CCDC78: variants seen among roughly 807,000 people sequenced by gnomAD.
CCDC78 encodes coiled-coil domain-containing protein 78.
A neutral mutation model predicts 61.9 loss-of-function variants in CCDC78; 78 were observed. That is an observed-to-expected ratio of 1.26 (90% CI 1.05 to 1.52). The LOEUF is 1.52. CCDC78 is among the 40% of genes most tolerant of loss of function. The pLI, the probability that CCDC78 is intolerant of heterozygous loss-of-function variation, is 0.00. For missense variants in CCDC78, 737 were observed against 615.5 expected (o/e 1.20, Z -2.09); for synonymous variants, 287 against 251.9 (o/e 1.14, Z -1.32).
At chr16:724,264 G>A (rs1282175366) in intron 9 of CCDC78, 58 bp downstream of exon 9, 6 of 1,590,274 alleles carry the variant, frequency 3.8e-6, no homozygotes, top group Non-Finnish European at 5.1e-6. Context: ...AAGCCTTTGA[G>A]GCACAGAGGC....
upstream of CCDC78, chr16:726,622 A>T: frequency 1.8e-6 from 1 of 551,768 alleles, no homozygotes; most frequent in Middle Eastern, 4.8e-4. Context: ...TACCCTGTGC[A>T]GATGGAACCA....
chr16:725,846 G>A lies in CCDC78; in HGVS notation c.215C>T (p.Thr72Ile), dbSNP rs369732883. 1 of 1,611,608 alleles carries A rather than the reference G, an allele frequency of 6.2e-7. No homozygotes were observed. Among genetic ancestry groups the A allele is most frequent in the Non-Finnish European group, 8.5e-7 (1 of 1,179,114 alleles). Reference sequence around the variant, plus strand: ...CTCATGCTGCTCATGTAGGTGGTGGGTTGTGATCTGAATGTCGACCAGCTC... The same window carrying A: ...CTCATGCTGCTCATGTAGGTGGTGGATTGTGATCTGAATGTCGACCAGCTC... ...SKELVDIQIT[T>I]HHLHEQHEAE... The change falls in exon 3 of 14, where the codon ACC becomes ATC. Residue 72 changes from threonine (T) to isoleucine (I), a missense_variant. By Grantham distance (89) the Thr-to-Ile change is moderately conservative. Coordinates refer to ENST00000345165, the MANE Select transcript of CCDC78 (RefSeq NM_001378030.1).
rs2040843267 is a variant in CCDC78, at chr16:725,721, C to G, written c.267+73G>C. The G allele has an allele frequency of 2.5e-6, 4 of 1,573,742 alleles. No homozygotes were observed. In the East Asian group the frequency reaches 9.4e-5, roughly 37 times the overall value. On this transcript the variant is annotated intron_variant, in intron 3 of 13. Coordinates refer to ENST00000345165, the MANE Select transcript of CCDC78 (RefSeq NM_001378030.1). ...CAGATGCCATGTGCGTGTGCATGCC[C>G]ATGCAGGGCACGTGTCCTGGGCCTG...
rs760400712 is a variant in CCDC78, at chr16:724,931, G to A, written c.619C>T (p.Arg207Ter). The change falls in exon 7 of 14, where the codon CGA (arginine) becomes TGA (stop). Residue 207 changes from arginine (R) to a stop codon, truncating the protein, a stop_gained. Coordinates refer to ENST00000345165, the MANE Select transcript of CCDC78 (RefSeq NM_001378030.1). LOFTEE classifies it high-confidence loss of function. ...CTCACCACAGCCTGTGTGGCCAGTC[G>A]CTGCCCGGCTGCCCTGGCCTCCTCT... ...AREEARAAGQ[R>*]LATQAVVLCS... is the part of the protein sequence containing the mutation. 6.2e-6 allele frequency: 10 copies of A among 1,606,472 alleles called. No homozygotes were observed. The highest frequency in any genetic ancestry group is 4.5e-5 in the East Asian group (2 of 44,442).
intron 3 of CCDC78, 76 bp from the exon 4 acceptor site, chr16:725,656 G>A (rs2040834146): frequency 4.4e-6 from 7 of 1,579,756 alleles, no homozygotes; most frequent in East Asian, 4.5e-5. Flanking sequence ...CCCGGTGCAC[G>A]CTCAGGGGCG....
intron 3 of CCDC78, 65 bp from the exon 4 acceptor site, chr16:725,645 A>G: frequency 1.9e-6 from 3 of 1,584,534 alleles, no homozygotes; most frequent in Non-Finnish European, 2.6e-6. Flanking sequence ...GTGAACATTC[A>G]CCCGGTGCAC....
rs776255799 is a variant in CCDC78 at position 725,003 on chromosome 16, G to T, written c.561-14C>A. 3.7e-6 allele frequency: 6 copies of T among 1,612,302 alleles called. No individual in the cohort carries two copies. The highest frequency in any genetic ancestry group is 5.1e-6 in the Non-Finnish European group (6 of 1,179,676). ...CCCAGGGTTGCCCTGAAGACACGGGGGTGAGGCTCAGCAGGCCCACGATCA... is the reference window on the plus strand; with the variant it reads ...CCCAGGGTTGCCCTGAAGACACGGGTGTGAGGCTCAGCAGGCCCACGATCA... On this transcript the variant is annotated splice_polypyrimidine_tract_variant and intron_variant, in intron 6 of 13. Transcript: ENST00000345165.
chr16:724,613 G>A, intron 8 of CCDC78, 68 bp downstream of exon 8: 2 of 1,577,144 alleles, frequency 1.3e-6, no homozygotes, highest in Non-Finnish European at 1.7e-6. Flanking sequence ...GGGTCTCCCT[G>A]AAGCTATCCA....
At chr16:726,270 A>C (rs1225163800) in intron 1 of CCDC78, 38 bp downstream of exon 1, 5 of 1,549,698 alleles carry the variant, frequency 3.2e-6, no homozygotes, top group Non-Finnish European at 4.4e-6. Context: ...GGCAGACTTC[A>C]ACCCCATGGC....
intron 11 of CCDC78, chr16:723,548 C>G (rs1368381791): frequency 1.5e-6 from 1 of 676,012 alleles, no homozygotes; most frequent in Non-Finnish European, 2.7e-6. Flanking sequence ...GCCCGGTCAC[C>G]AGGCGCCCTG....
intron 3 of CCDC78, 98 bp downstream of exon 3, chr16:725,696 C>T (rs936590558): frequency 2.7e-5 from 42 of 1,569,914 alleles, no homozygotes; most frequent in Non-Finnish European, 3.4e-5. Context: ...CTGAGACCCA[C>T]AGATGCCATG....
chr16:723,699 G>GGAGGGACCCCAGGGTGGGGATGTGCCACT, intron 11 of CCDC78, 158 bp downstream of exon 11: 1 of 727,974 alleles, frequency 1.4e-6, no homozygotes, highest in Non-Finnish European at 2.5e-6. Context: ...CGGGACCCAC[G>GGAGGGACCCCAGGGTGGGGATGTGCCACT]GAGGGACCCC....
At position 724,713 on chromosome 16, in the gene CCDC78, G is replaced by T; in HGVS notation, c.733C>A (p.Leu245Ile). 1 of 1,611,898 alleles carries T rather than the reference G, an allele frequency of 6.2e-7. No individual in the cohort carries two copies. The highest frequency in any genetic ancestry group is 8.5e-7 in the Non-Finnish European group (1 of 1,179,744). Residue 245 changes from leucine to isoleucine, a missense_variant, in exon 8 of 14, where the codon CTA becomes ATA. Coordinates refer to ENST00000345165, the MANE Select transcript of CCDC78 (RefSeq NM_001378030.1). ...TGCCAGGCGCAGTGTTGCAGCCGTA[G>T]GACGTACTCATCCTTCAGTTTCTTG... ...QLKKLKDEYV[L>I]RLQHCAWQAV...
rs778608633 is a variant in CCDC78 at position 725,295 on chromosome 16, T to A, written c.436-2A>T. On this transcript the variant is annotated splice_acceptor_variant, in intron 4 of 13. Transcript: ENST00000345165. LOFTEE classifies it high-confidence loss of function. ...GTTCATGGTGTTCTTGGGCTGCACC[T>A]GAATGGAAGGGAGGGCAGGGAAAGC... 1.2e-6 allele frequency: 2 copies of A among 1,608,162 alleles called. No individual in the cohort carries two copies. Among genetic ancestry groups the A allele is most frequent in the Non-Finnish European group, 1.7e-6 (2 of 1,179,956 alleles).
Position 722,740 on chromosome 16 carries a change from G to T in CCDC78, c.1351C>A (p.Pro451Thr). Reference protein sequence around the residue: ...RLRKLAGAGDPWKVGAVPPAK... With the variant: ...RLRKLAGAGDTWKVGAVPPAK... ...GGAGGCACAGCCCCCACTTTCCAGG[G>T]GTCCCCTGCACCTGCCAGCTTCCTC... Residue 451 changes from proline (P) to threonine (T), a missense_variant, in exon 14 of 14, where the codon CCC becomes ACC. Transcript: ENST00000345165. The T allele has an allele frequency of 6.2e-7, 1 of 1,611,900 alleles. No homozygotes were observed.
At position 726,090 on chromosome 16, in the gene CCDC78, G is replaced by T; in HGVS notation, c.61-5C>A. The stretch of plus-strand genomic sequence containing the variant: ...GTCCTTGGCTCGTAGCACAACCTGG[G>T]GAGGTACCGCCACCCATTCCCCAGG... On this transcript the variant is annotated splice_region_variant and splice_polypyrimidine_tract_variant and intron_variant, in intron 1 of 13. Coordinates refer to ENST00000345165, the MANE Select transcript of CCDC78 (RefSeq NM_001378030.1). The T allele has an allele frequency of 6.5e-7, 1 of 1,549,016 alleles. No homozygotes were observed. The highest frequency in any genetic ancestry group is 8.7e-7 in the Non-Finnish European group (1 of 1,146,670).
At position 726,359 on chromosome 16, in the gene CCDC78, G is replaced by C. The variant is rs1355024482; in HGVS notation, c.9C>G (p.His3Gln). Residue 3 changes from histidine to glutamine, a missense_variant, in exon 1 of 14, where the codon CAC (histidine) becomes CAG (glutamine). By Grantham distance (24) the His-to-Gln change is conservative. Transcript: ENST00000345165. ...CAGGCCTGGGGCCTGTGGTGGCTGC[G>C]TGCTCCATAGGCTAGGGAACCCTGG... ME[H>Q]AATTGPRPGP... 6.5e-6 allele frequency: 10 copies of C among 1,539,832 alleles called. No individual in the cohort carries two copies. In the African/African-American group the frequency reaches 1.4e-4, roughly 21 times the overall value.
At position 726,380 on chromosome 16, in the gene CCDC78, C is replaced by T. The variant is rs762340466; in HGVS notation, c.-13G>A. ...CTGCGTGCTCCATAGGCTAGGGAAC[C>T]CTGGCCAGCTCCGAGCCCGGTGCTG... On this transcript the variant is annotated 5_prime_UTR_variant, in exon 1 of 14. Coordinates refer to ENST00000345165, the MANE Select transcript of CCDC78 (RefSeq NM_001378030.1). The T allele has an allele frequency of 6.6e-7, 1 of 1,524,178 alleles. No homozygotes were observed. Among genetic ancestry groups the T allele is most frequent in the South Asian group, 1.2e-5 (1 of 81,460 alleles). The allele number at this position is 1,524,178 out of a possible 1,614,324, so 94.4% of individuals were successfully genotyped here.
Position 726,044 on chromosome 16 carries a change from C to G in CCDC78, c.102G>C (p.Gly34=), listed in dbSNP as rs558680404. 4.5e-6 allele frequency: 7 copies of G among 1,548,646 alleles called. No homozygotes were observed. In the African/African-American group the frequency reaches 5.5e-5, roughly 12 times the overall value. The change falls in exon 2 of 14, where the codon GGG becomes GGC. Residue 34 remains glycine, a synonymous_variant. Coordinates refer to ENST00000345165, the MANE Select transcript of CCDC78 (RefSeq NM_001378030.1). ...AGCTGGTGGCCCACACTGCGGTGCC[C>G]CCAGGAGCTCCTGGCAGCCAGTCCT... ...RAKDWLPGAP[G]GTAVWATSLE...
Sources: gnomAD v4.1 joint callset for allele counts on GRCh38, gnomAD v4.1.1 for gene constraint, MANE v1.5 for transcripts, NCBI Gene and HGNC (gene_info 2026-07-23, HGNC 2026-07-21) for gene names.